The following SMIM27 variants were observed in gnomAD, a reference collection of about 807,000 sequenced individuals.
SMIM27 encodes the protein transition zone microprotein 1, also known as TOPORS antisense RNA 1 (non-protein coding).
A neutral mutation model predicts 1.8 loss-of-function variants in SMIM27; 3 were observed. That is an observed-to-expected ratio of 1.65 (90% confidence interval 0.75 to 4.28). The LOEUF is 4.28. Ranked by LOEUF, SMIM27 falls within the 30% of genes most tolerant of loss-of-function variation. SMIM27 has a pLI of 0.02. For synonymous variants in SMIM27, 19 were observed against 13.9 expected (o/e 1.37, Z -0.82); for missense variants, 63 against 37.0 (o/e 1.70, Z -1.83).
In SMIM27 at chr9:32,566,826, G is replaced by C. The variant is rs929460010; in HGVS notation, c.*373G>C. 4.9e-5 allele frequency: 44 copies of C among 892,310 alleles called. No individual in the cohort carries two copies. The East Asian group carries it at 1.1e-3, about 22-fold the overall frequency. 55.3% of individuals were successfully genotyped at this position (892,310 alleles called of 1,614,324 possible). On this transcript the variant is annotated 3_prime_UTR_variant, in exon 2 of 2. Coordinates refer to the SMIM27 transcript ENST00000451672. The stretch of plus-strand genomic sequence containing the variant: ...GGCCAGCAGTCTCTGCCTCTGTGGG[G>C]GCCTGCTCATCACACAGTAGCTGCC...
upstream of SMIM27, chr9:32,551,618 C>T (rs774298826): frequency 1.6e-4 from 42 of 268,266 alleles, no homozygotes; most frequent in Non-Finnish European, 3.2e-4. Flanking sequence ...ACGTCTAGAG[C>T]CTAAGCGGCC....
intron 1 of SMIM27, among the ~76,000 whole-genome samples, chr9:32,559,119 G>C (rs908877906): frequency 6.6e-6 from 1 of 152,040 alleles, no homozygotes; most frequent in Non-Finnish European, 1.5e-5. Context: ...TATCAAACAG[G>C]CATCTCAAAC....
At chr9:32,551,742 G>A (rs1821267826), upstream of SMIM27, 3 of 429,582 alleles carry the variant, frequency 7.0e-6, no homozygotes, top group Non-Finnish European at 1.4e-5. Context: ...TATCTCACGC[G>A]CGGCAGTTCA....
downstream of SMIM27, among the ~76,000 whole-genome samples, chr9:32,554,844 G>A (rs1167612311): frequency 6.6e-6 from 1 of 152,134 alleles, no homozygotes; most frequent in Non-Finnish European, 1.5e-5. Context: ...ACAAAAGGCA[G>A]TGGCAAACTA....
At chr9:32,558,583 A>G (rs1438101029) in intron 1 of SMIM27, among the ~76,000 whole-genome samples, 1 of 152,208 alleles carries the variant, frequency 6.6e-6, no homozygotes, top group East Asian at 1.9e-4. Context: ...TCATGCCCTA[A>G]GCTCTTTACC....
chr9:32,555,658 T>G (rs1349018112), downstream of SMIM27, among the ~76,000 whole-genome samples: 1 of 152,216 alleles, frequency 6.6e-6, no homozygotes, highest in Non-Finnish European at 1.5e-5. Flanking sequence ...GCCAGAATGT[T>G]TGAAATTAAA....
chr9:32,552,821 A>AAT lies in SMIM27; in HGVS notation c.67_68dup (p.Trp25ProfsTer17). 1.4e-6 allele frequency: 1 copy of AAT among 702,214 alleles called. No homozygotes were observed. The highest frequency in any genetic ancestry group is 1.5e-5 in the South Asian group (1 of 67,432). 43.5% of individuals were successfully genotyped at this position (702,214 alleles called of 1,614,324 possible). A position where few individuals can be genotyped will look rare whatever the true frequency, so the allele number is the denominator to read the frequency against. On this transcript the variant is annotated frameshift_variant, in exon 2 of 2. Transcript: ENST00000692500. LOFTEE classifies it low-confidence loss of function (END_TRUNC). ...TTTAGTTGCTGCTTGCCATCGTTTT[A>AAT]ATCTCCTGGGGCTGCATCATCTATG...
chr9:32,565,480 A>C (rs1821756303), intron 1 of SMIM27: 1 of 152,210 alleles, frequency 6.6e-6, no homozygotes, highest in South Asian at 2.1e-4. Flanking sequence ...CTTGTCCCTC[A>C]AACAAGAGTG....
chr9:32,552,188 A>G, upstream of SMIM27: 1 of 602,688 alleles, frequency 1.7e-6, no homozygotes. Flanking sequence ...AAAAAAAAAA[A>G]AAAAGCAATT....
chr9:32,560,188 C>G (rs1168882676), intron 1 of SMIM27, among the ~76,000 whole-genome samples: 1 of 152,146 alleles, frequency 6.6e-6, no homozygotes, highest in African/African-American at 2.4e-5. Context: ...AATCCTTTAC[C>G]TACCAAAATC....
chr9:32,558,784 C>T, intron 1 of SMIM27: 1 of 578,978 alleles, frequency 1.7e-6, no homozygotes, highest in African/African-American at 1.9e-5. Context: ...CAAGAATACA[C>T]AAAACAGGGA....
intron 1 of SMIM27, among the ~76,000 whole-genome samples, chr9:32,562,107 C>T (rs1396118689): frequency 6.6e-6 from 1 of 152,226 alleles, no homozygotes; most frequent in African/African-American, 2.4e-5. Context: ...TTCTAGTCAG[C>T]TCCTCAGTCT....
chr9:32,556,265 T>C (rs1156877676), downstream of SMIM27, among the ~76,000 whole-genome samples: 1 of 152,196 alleles, frequency 6.6e-6, no homozygotes, highest in Non-Finnish European at 1.5e-5. Context: ...AGATAATATT[T>C]GGGAAGATGA....
chr9:32,553,905 T>C (rs779254026), downstream of SMIM27: 52 of 1,598,570 alleles, frequency 3.3e-5, no homozygotes, highest in Non-Finnish European at 4.4e-5. Context: ...AATTCTTTCA[T>C]TGGTGGAATT....
At chr9:32,553,424 C>G, downstream of SMIM27, 1 of 177,926 alleles carries the variant, frequency 5.6e-6, no homozygotes, top group Non-Finnish European at 1.2e-5. Context: ...CTCCTGACTT[C>G]GTGATCTGCC....
At chr9:32,551,651 G>A, upstream of SMIM27, 1 of 287,414 alleles carries the variant, frequency 3.5e-6, no homozygotes, top group South Asian at 2.7e-5. Context: ...CTACTCCTCA[G>A]GCCTCAAATG....
downstream of SMIM27, among the ~76,000 whole-genome samples, chr9:32,556,846 CTTTTTTTTTT>C (rs10703297): frequency 1.9e-4 from 16 of 82,340 alleles, no homozygotes; most frequent in African/African-American, 5.6e-4. Context: ...AAATCCCCTA[CTTTTTTTTTT>C]TTTTTTTTTT....
intron 1 of SMIM27, 115 bp from the exon 2 acceptor site, chr9:32,552,686 C>T (rs965298662): frequency 1.5e-6 from 1 of 654,220 alleles, no homozygotes; most frequent in African/African-American, 1.8e-5. Flanking sequence ...ACTGGAACCC[C>T]ATTTATTCGA....
chr9:32,561,056 G>A (rs1821610165), intron 1 of SMIM27, among the ~76,000 whole-genome samples: 1 of 152,180 alleles, frequency 6.6e-6, no homozygotes, highest in South Asian at 2.1e-4. Flanking sequence ...ATAATGAAAT[G>A]AAGTAGCCTT....
Sources: allele counts gnomAD v4.1 joint callset (sites outside exome capture counted in the v4.1 genomes callset), GRCh38; gene constraint gnomAD v4.1.1; transcripts MANE v1.5; gene names NCBI Gene and HGNC (gene_info 2026-07-23, HGNC 2026-07-21).